WBP2NL: variants seen among roughly 807,000 people sequenced by gnomAD.
WBP2NL encodes the protein postacrosomal sheath WW domain-binding protein.
A neutral mutation model predicts 23.3 loss-of-function variants in WBP2NL; 27 were observed. That is an observed-to-expected ratio of 1.16 (90% CI 0.85 to 1.60). WBP2NL has a LOEUF of 1.60. Ranked by LOEUF, WBP2NL falls within the 40% of genes most tolerant of loss-of-function variation. WBP2NL has a pLI of 0.00. For missense variants in WBP2NL, 370 were observed against 389.5 expected (o/e 0.95, Z 0.42); for synonymous variants, 151 against 145.9 (o/e 1.03, Z -0.25).
intron 8 of WBP2NL, among the ~76,000 whole-genome samples, chr22:42,039,702 CTTAT>C (rs1925328045): frequency 6.6e-6 from 1 of 152,008 alleles, no homozygotes; most frequent in Non-Finnish European, 1.5e-5. Flanking sequence ...TGTCTCCTCT[CTTAT>C]TTATGATTTT....
At chr22:42,024,281 A>C (rs1346670857) in intron 5 of WBP2NL, among the ~76,000 whole-genome samples, 2 of 152,220 alleles carry the variant, frequency 1.3e-5, no homozygotes, top group Non-Finnish European at 2.9e-5. Context: ...GGCTATTACG[A>C]ATACTAGCTG....
chr22:42,027,541 A>C lies in WBP2NL; in HGVS notation c.*360A>C. 3.6e-6 allele frequency: 1 copy of C among 278,826 alleles called. No individual in the cohort carries two copies. The highest frequency in any genetic ancestry group is 6.7e-6 in the Non-Finnish European group (1 of 149,382). The allele number at this position is 278,826 out of a possible 1,614,324, so 17.3% of individuals were successfully genotyped here. Reference sequence around the variant, plus strand: ...ATTTATTATGCTCCGTTTGCTAGGCACTAAGATGCGTGCTAAAAACGTCAT... The same window carrying C: ...ATTTATTATGCTCCGTTTGCTAGGCCCTAAGATGCGTGCTAAAAACGTCAT... On this transcript the variant is annotated 3_prime_UTR_variant, in exon 6 of 6. Coordinates refer to ENST00000328823, the MANE Select transcript of WBP2NL (RefSeq NM_152613.3).
chr22:42,008,301 G>A (rs965805006), intron 1 of WBP2NL, among the ~76,000 whole-genome samples: 3 of 149,070 alleles, frequency 2.0e-5, no homozygotes, highest in East Asian at 2.0e-4. Flanking sequence ...CTTAGCTTCC[G>A]GGGTTCAAGT....
chr22:42,044,710 C>A (rs1220894230), intron 8 of WBP2NL, among the ~76,000 whole-genome samples: 2 of 152,146 alleles, frequency 1.3e-5, no homozygotes, highest in Admixed American at 1.3e-4. Flanking sequence ...GAGGCTGAGG[C>A]AGGAAGATTG....
At chr22:42,047,269 C>CAA (rs140516534) in intron 8 of WBP2NL, among the ~76,000 whole-genome samples, 38 of 101,476 alleles carry the variant, frequency 3.7e-4, no homozygotes, top group African/African-American at 4.6e-4. Flanking sequence ...TTTTCAAGCT[C>CAA]AAAAAAAAAA....
At chr22:42,052,179 G>C (rs1240287862) in intron 8 of WBP2NL, among the ~76,000 whole-genome samples, 2 of 152,158 alleles carry the variant, frequency 1.3e-5, no homozygotes, top group Non-Finnish European at 2.9e-5. Flanking sequence ...AGAGGTAAAG[G>C]TCTGTCTTTG....
downstream of WBP2NL, among the ~76,000 whole-genome samples, chr22:42,036,772 A>T (rs890716031): frequency 2.6e-5 from 4 of 151,904 alleles, no homozygotes; most frequent in Non-Finnish European, 4.4e-5. Context: ...TTTTTAATCC[A>T]GTTATTTGTA....
At chr22:42,037,182 C>T (rs910626745), downstream of WBP2NL, among the ~76,000 whole-genome samples, 2 of 149,154 alleles carry the variant, frequency 1.3e-5, no homozygotes, top group African/African-American at 2.5e-5. Flanking sequence ...CCAGTTTTTC[C>T]AGTACTGTTT....
chr22:42,000,481 G>T (rs1921523481), intron 1 of WBP2NL, among the ~76,000 whole-genome samples: 1 of 151,458 alleles, frequency 6.6e-6, no homozygotes, highest in African/African-American at 2.4e-5. Context: ...TATTTATTAG[G>T]AGTGACTGAA....
At chr22:42,008,339 A>G (rs1236792213) in intron 1 of WBP2NL, among the ~76,000 whole-genome samples, 1 of 151,648 alleles carries the variant, frequency 6.6e-6, no homozygotes, top group African/African-American at 2.4e-5. Flanking sequence ...CCTCCTGAGT[A>G]GCCAGGATTA....
chr22:42,057,891 ATATATATATATTTTTTTTTTTTTTTTTTT>A (rs1926124926), intron 8 of WBP2NL, among the ~76,000 whole-genome samples: 1 of 23,354 alleles, frequency 4.3e-5, no homozygotes, highest in South Asian at 1.6e-3. Flanking sequence ...ATATATATAT[ATATATATATATTTTTTTTTTTTTTTTTTT>A]TTTTTTTTTT....
chr22:42,040,490 T>C (rs1925362979), intron 8 of WBP2NL, among the ~76,000 whole-genome samples: 1 of 152,238 alleles, frequency 6.6e-6, no homozygotes, highest in African/African-American at 2.4e-5. Flanking sequence ...CCCAAAGTGC[T>C]GGGATAACAG....
chr22:42,020,017 A>G lies in WBP2NL; in HGVS notation c.327A>G (p.Gly109=). 5 of 1,613,992 alleles carry G rather than the reference A, an allele frequency of 3.1e-6. No individual in the cohort carries two copies. Among genetic ancestry groups the G allele is most frequent in the Non-Finnish European group, 4.2e-6 (5 of 1,179,974 alleles). The change falls in exon 4 of 6, where the codon GGA becomes GGG. Residue 109 remains glycine, a synonymous_variant. Transcript: ENST00000328823. ...TTCTTCCCCCAGGTGGCTGGGAAGGACAAGCTACTTTTAAATTAGTCTTCA... is the reference window on the plus strand; with the variant it reads ...TTCTTCCCCCAGGTGGCTGGGAAGGGCAAGCTACTTTTAAATTAGTCTTCA... ...IQAAPYGGWE[G]QATFKLVFRN...
At chr22:42,057,493 T>A (rs1287987909) in intron 8 of WBP2NL, among the ~76,000 whole-genome samples, 2 of 152,044 alleles carry the variant, frequency 1.3e-5, no homozygotes, top group Non-Finnish European at 2.9e-5. Flanking sequence ...AATAGCTGAT[T>A]TAAAATCTGG....
In WBP2NL at chr22:42,020,000, C is replaced by G; in HGVS notation, c.314-4C>G. 1 of 1,613,434 alleles carries G rather than the reference C, an allele frequency of 6.2e-7. No individual in the cohort carries two copies. Among genetic ancestry groups the G allele is most frequent in the Non-Finnish European group, 8.5e-7 (1 of 1,179,646 alleles). ...TGGTGAGTGTGTGCCATTTCTTCCCCCAGGTGGCTGGGAAGGACAAGCTAC... is the reference window on the plus strand; with the variant it reads ...TGGTGAGTGTGTGCCATTTCTTCCCGCAGGTGGCTGGGAAGGACAAGCTAC... On this transcript the variant is annotated splice_region_variant and splice_polypyrimidine_tract_variant and intron_variant, in intron 3 of 5. Transcript: ENST00000328823.
At chr22:42,055,686 A>G (rs776977017) in intron 8 of WBP2NL, among the ~76,000 whole-genome samples, 1 of 152,098 alleles carries the variant, frequency 6.6e-6, no homozygotes. Flanking sequence ...TCTGTATTCA[A>G]TTGTGTCTGG....
At chr22:42,004,154 C>T (rs146835694) in intron 1 of WBP2NL, among the ~76,000 whole-genome samples, 7 of 152,268 alleles carry the variant, frequency 4.6e-5, no homozygotes, top group African/African-American at 1.7e-4. Flanking sequence ...TGCCTGTAAT[C>T]CCAGCTATTT....
chr22:42,006,416 C>A (rs942928547), intron 1 of WBP2NL, among the ~76,000 whole-genome samples: 2 of 152,028 alleles, frequency 1.3e-5, no homozygotes, highest in South Asian at 2.1e-4. Flanking sequence ...GAGACTAAAC[C>A]CACTGATGGG....
intron 8 of WBP2NL, among the ~76,000 whole-genome samples, chr22:42,050,341 CAAAAAACAA>C (rs552971306): frequency 2.0e-5 from 3 of 150,894 alleles, no homozygotes; most frequent in Non-Finnish European, 4.4e-5. Flanking sequence ...ATTAAAAAAA[CAAAAAACAA>C]AAAAAACAAC....
Sources: allele counts gnomAD v4.1 joint callset (sites outside exome capture counted in the v4.1 genomes callset), GRCh38; gene constraint gnomAD v4.1.1; transcripts MANE v1.5; gene names NCBI Gene and HGNC (gene_info 2026-07-23, HGNC 2026-07-21).